The following RCL1 variants were observed in gnomAD, a reference collection of about 807,000 sequenced individuals.
The protein encoded by RCL1 is RNA 3'-terminal phosphate cyclase-like protein.
RCL1 carries 24 observed loss-of-function variants against 42.4 expected under a neutral mutation model. The ratio of observed to expected loss-of-function variants is 0.57; its 90% confidence interval spans 0.41 to 0.80. The LOEUF (loss-of-function observed/expected upper bound fraction) is 0.80. Among genes scored for constraint, RCL1 ranks in the 30% least tolerant of loss-of-function variants. The pLI is 0.00. For synonymous variants in RCL1, 228 were observed against 177.3 expected (o/e 1.29, Z -2.27); for missense variants, 578 against 467.9 (o/e 1.24, Z -2.17).
At chr9:4,797,878 A>C (rs1842938714) in intron 1 of RCL1, among the ~76,000 whole-genome samples, 1 of 152,204 alleles carries the variant, frequency 6.6e-6, no homozygotes, top group Non-Finnish European at 1.5e-5. Flanking sequence ...TCTGAACCCC[A>C]AAGAAGGATG....
chr9:4,839,611 G>A (rs1298224322), intron 5 of RCL1: 1 of 967,098 alleles, frequency 1.0e-6, no homozygotes, highest in Non-Finnish European at 1.2e-6. Flanking sequence ...GTGGTCAAAA[G>A]TACATTCTGG....
intron 1 of RCL1, among the ~76,000 whole-genome samples, chr9:4,821,337 ATGATCAGGGCAGTC>A (rs1189234490): frequency 2.6e-5 from 4 of 152,164 alleles, no homozygotes; most frequent in African/African-American, 9.7e-5. Context: ...TTCTGGTCAT[ATGATCAGGGCAGTC>A]TGTTTGGCAT....
intron 5 of RCL1, among the ~76,000 whole-genome samples, chr9:4,838,745 A>G (rs979229236): frequency 6.6e-6 from 1 of 152,114 alleles, no homozygotes; most frequent in Non-Finnish European, 1.5e-5. Context: ...AACCTGAAAA[A>G]TTTTCTGCAA....
chr9:4,828,707 CT>C (rs908650814), intron 3 of RCL1, among the ~76,000 whole-genome samples: 4 of 151,080 alleles, frequency 2.6e-5, no homozygotes, highest in South Asian at 2.1e-4. Context: ...CTGTTTTGTG[CT>C]TTTTTTTTCT....
intron 1 of RCL1, among the ~76,000 whole-genome samples, chr9:4,794,183 T>G (rs1842877688): frequency 6.6e-6 from 1 of 152,260 alleles, no homozygotes; most frequent in Admixed American, 6.5e-5. Context: ...CTGATGTGTT[T>G]CATTTTGCAC....
At chr9:4,860,034 G>A (rs1023083314) in intron 8 of RCL1, 91 bp from the exon 9 acceptor site, 3 of 863,792 alleles carry the variant, frequency 3.5e-6, no homozygotes, top group Non-Finnish European at 5.1e-6. Context: ...CTAGGTCTGG[G>A]AGATTAAAAC....
In RCL1 at chr9:4,849,455, C is replaced by T. The variant is rs771521644; in HGVS notation, c.876C>T (p.Cys292=). Residue 292 remains cysteine, a synonymous_variant, in exon 8 of 9, where the codon TGC becomes TGT. Transcript: ENST00000381750. The stretch of plus-strand genomic sequence containing the variant: ...TTAATTTGTGTTTACAGGGTGGATG[C>T]GTAGACTCGACCAACCAAAGCCTGG... ...LLLEEIYRGG[C]VDSTNQSLAL... 15 of 1,612,632 alleles carry T rather than the reference C, an allele frequency of 9.3e-6. No individual in the cohort carries two copies. Among genetic ancestry groups the T allele is most frequent in the Admixed American group, 6.7e-5 (4 of 59,966 alleles).
chr9:4,839,774 A>C, intron 5 of RCL1: 3 of 962,628 alleles, frequency 3.1e-6, no homozygotes, highest in Non-Finnish European at 3.7e-6. Flanking sequence ...GGGAGGGATT[A>C]CAGAGGTAAA....
chr9:4,795,997 G>A (rs1481707059), intron 1 of RCL1, among the ~76,000 whole-genome samples: 2 of 152,276 alleles, frequency 1.3e-5, no homozygotes, highest in East Asian at 3.9e-4. Context: ...AAGTTACGAA[G>A]GAAGGCAGGT....
At chr9:4,820,797 G>A (rs929713039) in intron 1 of RCL1, among the ~76,000 whole-genome samples, 7 of 152,150 alleles carry the variant, frequency 4.6e-5, no homozygotes, top group African/African-American at 1.7e-4. Flanking sequence ...ATGTTAAAAA[G>A]ATCGTAGAAA....
At chr9:4,835,849 C>A (rs886464498) in intron 5 of RCL1, among the ~76,000 whole-genome samples, 1 of 152,190 alleles carries the variant, frequency 6.6e-6, no homozygotes, top group East Asian at 1.9e-4. Context: ...GTAGGAGGCA[C>A]TGGTGTGTAA....
At chr9:4,857,932 T>G (rs1381258940) in intron 8 of RCL1, among the ~76,000 whole-genome samples, 1 of 19,794 alleles carries the variant, frequency 5.1e-5, no homozygotes, top group Non-Finnish European at 9.7e-5. Context: ...GCTCTCCCAC[T>G]TTTTTTTTTT....
chr9:4,795,403 G>C (rs549788217), intron 1 of RCL1, among the ~76,000 whole-genome samples: 2 of 152,170 alleles, frequency 1.3e-5, no homozygotes, highest in Non-Finnish European at 2.9e-5. Flanking sequence ...ATTTCTTACA[G>C]AGGGAACAGA....
intron 1 of RCL1, among the ~76,000 whole-genome samples, chr9:4,795,170 TG>T (rs1842894615): frequency 6.6e-6 from 1 of 151,988 alleles, no homozygotes; most frequent in Non-Finnish European, 1.5e-5. Context: ...CTCCGCCTCC[TG>T]GGTTCCTGCA....
chr9:4,799,104 T>G (rs1426521914), intron 1 of RCL1, among the ~76,000 whole-genome samples: 1 of 116,006 alleles, frequency 8.6e-6, no homozygotes, highest in Non-Finnish European at 1.7e-5. Flanking sequence ...TTCCTCTCCT[T>G]CCTCTTTTTC....
chr9:4,834,086 G>A lies in RCL1; in HGVS notation c.460-55G>A, dbSNP rs552777359. 38 of 1,585,440 alleles carry A rather than the reference G, an allele frequency of 2.4e-5. No individual in the cohort carries two copies. In the Admixed American group the frequency reaches 4.1e-4, roughly 17 times the overall value. Reference sequence around the variant, plus strand: ...GTAAACCTTCCTGGGCAGGGTGTCAGGGTAATCCATTGCTTTGCTGCATCC... The same window carrying A: ...GTAAACCTTCCTGGGCAGGGTGTCAAGGTAATCCATTGCTTTGCTGCATCC... On this transcript the variant is annotated intron_variant, in intron 4 of 8. Coordinates refer to ENST00000381750, the MANE Select transcript of RCL1 (RefSeq NM_005772.5).
intron 5 of RCL1, among the ~76,000 whole-genome samples, chr9:4,834,858 C>G (rs939558029): frequency 6.6e-6 from 1 of 152,168 alleles, no homozygotes; most frequent in Non-Finnish European, 1.5e-5. Flanking sequence ...GATGGGGAAA[C>G]TGAAGCTTCA....
At chr9:4,797,246 A>G (rs1314262740) in intron 1 of RCL1, among the ~76,000 whole-genome samples, 2 of 152,264 alleles carry the variant, frequency 1.3e-5, no homozygotes, top group Non-Finnish European at 2.9e-5. Context: ...TGTACTGAAC[A>G]GTGCCTGGCA....
intron 5 of RCL1, among the ~76,000 whole-genome samples, chr9:4,837,355 T>C (rs1460366422): frequency 6.6e-6 from 1 of 152,190 alleles, no homozygotes; most frequent in Non-Finnish European, 1.5e-5. Context: ...AAAAAAAGTG[T>C]AATAAGTGTA....
Sources: gnomAD v4.1 joint callset for allele counts (sites outside exome capture counted in the v4.1 genomes callset) on GRCh38, gnomAD v4.1.1 for gene constraint, MANE v1.5 for transcripts, NCBI Gene and HGNC (gene_info 2026-07-23, HGNC 2026-07-21) for gene names.